Variants in AKAP13 observed in about 807,000 individuals in gnomAD.
AKAP13 encodes the protein A-kinase anchoring protein 13.
A neutral mutation model predicts 264.5 loss-of-function variants in AKAP13; 80 were observed. The ratio of observed to expected loss-of-function variants is 0.30; its 90% confidence interval spans 0.25 to 0.36. The LOEUF (loss-of-function observed/expected upper bound fraction) is 0.36, where lower values mean the gene tolerates loss of function less well. AKAP13 is among the 10% of genes least tolerant of loss of function. The probability of loss-of-function intolerance (pLI) is 1.00; values close to 1 mark genes in which losing one functional copy is unlikely to be tolerated. For missense variants in AKAP13, 3,712 were observed against 3,435.2 expected, an observed-to-expected ratio of 1.08 and a Z score of -2.01; for synonymous variants, 1,380 against 1,250.2, an observed-to-expected ratio of 1.10 and a Z score of -2.19.
chr15:85,578,427 A>G (rs571319922), intron 6 of AKAP13, among the ~76,000 whole-genome samples: 12 of 152,208 alleles, frequency 7.9e-5, no homozygotes, highest in African/African-American at 2.4e-4. Context: ...GGCTCACTGC[A>G]ACCTCCGCCT....
At chr15:85,650,814 G>A (rs1045910874) in intron 10 of AKAP13, among the ~76,000 whole-genome samples, 1 of 132,554 alleles carries the variant, frequency 7.5e-6, no homozygotes, top group African/African-American at 2.7e-5. Context: ...AATTGCCTGT[G>A]CACAAGTGCT....
chr15:85,456,605 A>T (rs1374175681), intron 1 of AKAP13, among the ~76,000 whole-genome samples: 4 of 141,850 alleles, frequency 2.8e-5, no homozygotes, highest in Non-Finnish European at 6.0e-5. Context: ...GCTGGAGTGC[A>T]GTGGCGCAAT....
At chr15:85,610,775 A>C (rs2080573645) in intron 8 of AKAP13, among the ~76,000 whole-genome samples, 1 of 152,164 alleles carries the variant, frequency 6.6e-6, no homozygotes, top group East Asian at 1.9e-4. Flanking sequence ...CAGGAGATCA[A>C]GACCAGCCTG....
At chr15:85,726,947 C>A in intron 27 of AKAP13, 119 bp from the exon 28 acceptor site, 1 of 1,092,928 alleles carries the variant, frequency 9.1e-7, no homozygotes, top group Non-Finnish European at 1.3e-6. Flanking sequence ...TAAAGTAGCC[C>A]TTGTTTTTCA....
chr15:85,582,793 A>C (rs2079179057), intron 7 of AKAP13: 1 of 841,944 alleles, frequency 1.2e-6, no homozygotes. Flanking sequence ...AAGACCCTGC[A>C]CAGTGCAGGG....
intron 33 of AKAP13, among the ~76,000 whole-genome samples, chr15:85,739,828 T>C (rs922825499): frequency 6.6e-6 from 1 of 152,238 alleles, no homozygotes; most frequent in Admixed American, 6.5e-5. Context: ...TTTAGCCAAT[T>C]TTCTCAGAAC....
chr15:85,635,051 T>C, intron 8 of AKAP13: 1 of 398,226 alleles, frequency 2.5e-6, no homozygotes, highest in Middle Eastern at 6.3e-4. Flanking sequence ...CAAGTCTTTG[T>C]GTGACAGTAG....
chr15:85,726,869 A>T, intron 27 of AKAP13, 197 bp from the exon 28 acceptor site: 1 of 623,572 alleles, frequency 1.6e-6, no homozygotes, highest in Non-Finnish European at 2.7e-6. Flanking sequence ...GCCATAAATT[A>T]CTATTTCCCT....
chr15:85,474,937 T>C (rs1002729136), intron 1 of AKAP13, among the ~76,000 whole-genome samples: 1 of 152,200 alleles, frequency 6.6e-6, no homozygotes, highest in Non-Finnish European at 1.5e-5. Flanking sequence ...TGTGAGAAGG[T>C]GGGCCGTGCC....
At chr15:85,744,262 A>G in intron 36 of AKAP13, 1 of 306,154 alleles carries the variant, frequency 3.3e-6, no homozygotes, top group African/African-American at 2.2e-5. Flanking sequence ...GCCAGCGGCC[A>G]CAGAGCCTGC....
chr15:85,722,234 A>G lies in AKAP13; in HGVS notation c.6383A>G (p.Lys2128Arg). The G allele has an allele frequency of 6.2e-7, 1 of 1,612,814 alleles. No individual in the cohort carries two copies. The highest frequency in any genetic ancestry group is 8.5e-7 in the Non-Finnish European group (1 of 1,179,342). Reference protein sequence around the residue: ...DKRFQAFVKKKMSSSVVRRLG... With the variant: ...DKRFQAFVKKRMSSSVVRRLG... ...AGTCTGTTTACTCCCTTGCAGAAGAAGATGAGCAGTTCAGTTGTTAGAAGG... is the reference window on the plus strand; with the variant it reads ...AGTCTGTTTACTCCCTTGCAGAAGAGGATGAGCAGTTCAGTTGTTAGAAGG... The change falls in exon 25 of 37, where the codon AAG becomes AGG. Residue 2128 changes from lysine (K) to arginine (R), a missense_variant. Coordinates refer to ENST00000394518, the MANE Select transcript of AKAP13 (RefSeq NM_007200.5).
chr15:85,741,713 A>AC lies in AKAP13; in HGVS notation c.8058+218_8058+219insC, dbSNP rs1162683618. Among the ~76,000 whole-genome samples the AC allele has an allele frequency of 3.5e-3, 349 of 101,050 alleles. 2 individuals carry two copies. Among genetic ancestry groups the AC allele is most frequent in the African/African-American group, 0.011 (295 of 27,858 alleles). The allele number at this position is 101,050 out of a possible 152,430, so 66.3% of individuals were successfully genotyped here. The stretch of plus-strand genomic sequence containing the variant: ...TGTCTCTCCTAAAAAAAAAAAAAAA[A>AC]AAACAAACAAACAAACAAAAAAAAA... On this transcript the variant is annotated intron_variant, in intron 35 of 36. Coordinates refer to ENST00000394518, the MANE Select transcript of AKAP13 (RefSeq NM_007200.5).
chr15:85,658,693 G>A, intron 12 of AKAP13, 103 bp downstream of exon 12: 1 of 970,830 alleles, frequency 1.0e-6, no homozygotes, highest in Non-Finnish European at 1.5e-6. Flanking sequence ...CTACTTTTAA[G>A]TAATGTCCCA....
intron 2 of AKAP13, among the ~76,000 whole-genome samples, chr15:85,489,770 T>C (rs1048430673): frequency 7.9e-5 from 12 of 152,216 alleles, no homozygotes; most frequent in Admixed American, 2.0e-4. Flanking sequence ...GTGTCCAGAA[T>C]ACGTTGCAAT....
At chr15:85,392,251 A>ATTTTTTTT (rs57208601) in intron 1 of AKAP13, among the ~76,000 whole-genome samples, 12 of 106,350 alleles carry the variant, frequency 1.1e-4, no homozygotes, top group South Asian at 3.4e-4. Flanking sequence ...GCCCTTAATA[A>ATTTTTTTT]TTTTTTTTTT....
At chr15:85,590,876 C>T (rs1477829168) in intron 8 of AKAP13, among the ~76,000 whole-genome samples, 1 of 152,090 alleles carries the variant, frequency 6.6e-6, no homozygotes, top group Non-Finnish European at 1.5e-5. Flanking sequence ...GAGCCTGGCA[C>T]AAAATAAGTA....
At chr15:85,472,117 A>C (rs1487142455) in intron 1 of AKAP13, among the ~76,000 whole-genome samples, 1 of 152,064 alleles carries the variant, frequency 6.6e-6, no homozygotes, top group Non-Finnish European at 1.5e-5. Flanking sequence ...AATTATTTGA[A>C]ATTTCAACTT....
At chr15:85,644,387 C>A (rs2082449766) in intron 9 of AKAP13, among the ~76,000 whole-genome samples, 2 of 151,676 alleles carry the variant, frequency 1.3e-5, no homozygotes, top group Admixed American at 6.6e-5. Flanking sequence ...ATTACAGGCA[C>A]CTGCCACCAT....
At position 85,680,119 on chromosome 15, in the gene AKAP13, T is replaced by C. The variant is rs181483120; in HGVS notation, c.5102-2039T>C. On this transcript the variant is annotated intron_variant, in intron 14 of 36. Coordinates refer to ENST00000394518, the MANE Select transcript of AKAP13 (RefSeq NM_007200.5). ...TATGATTGGCCCTGCTTTGTGTTGG[T>C]TGGTATTTTTCTGCATTATGAATTT... 1.9e-4 allele frequency among the ~76,000 whole-genome samples: 29 copies of C among 152,324 alleles called. No individual in the cohort carries two copies. The East Asian group carries it at 5.0e-3, about 26-fold the overall frequency.
Sources: gnomAD v4.1 joint callset for allele counts (sites outside exome capture counted in the v4.1 genomes callset) on GRCh38, gnomAD v4.1.1 for gene constraint, MANE v1.5 for transcripts, NCBI Gene and HGNC (gene_info 2026-07-23, HGNC 2026-07-21) for gene names.